The following SMIM19 variants were observed in gnomAD, a reference collection of about 807,000 sequenced individuals.
The protein encoded by SMIM19 is small integral membrane protein 19, also known as UPF0697 protein C8orf40.
Under a neutral mutation model 13.2 loss-of-function variants are expected in SMIM19, and 6 were observed. The ratio of observed to expected loss-of-function variants is 0.45; its 90% CI spans 0.25 to 0.90. The LOEUF (loss-of-function observed/expected upper bound fraction) is 0.90. Ranked by LOEUF, SMIM19 falls within the 40% of genes least tolerant of loss-of-function variation. The pLI is 0.19. For missense variants in SMIM19, 138 were observed against 131.0 expected (o/e 1.05, Z -0.26); for synonymous variants, 46 against 43.1 (o/e 1.07, Z -0.27).
At chr8:42,551,258 C>T (rs993173132) in intron 3 of SMIM19, among the ~76,000 whole-genome samples, 1 of 147,908 alleles carries the variant, frequency 6.8e-6, no homozygotes, top group Non-Finnish European at 1.5e-5. Context: ...GCAGAACTTG[C>T]AGGGAGCTGA....
chr8:42,543,234 C>T (rs2131484701), intron 1 of SMIM19, among the ~76,000 whole-genome samples: 1 of 152,244 alleles, frequency 6.6e-6, no homozygotes, highest in South Asian at 2.1e-4. Context: ...TGTGTGTACA[C>T]TTGGTTACAC....
In SMIM19 at chr8:42,553,083, T is replaced by C. The variant is rs1380934069; in HGVS notation, c.*475T>C. 6.7e-6 allele frequency: 1 copy of C among 150,214 alleles called. No homozygotes were observed. The highest frequency in any genetic ancestry group is 2.0e-4 in the East Asian group (1 of 5,094). The allele number at this position is 150,214 out of a possible 1,614,324, so 9.3% of individuals were successfully genotyped here. A position where few individuals can be genotyped will look rare whatever the true frequency, so the allele number is the denominator to read the frequency against. On this transcript the variant is annotated 3_prime_UTR_variant, in exon 4 of 4. Coordinates refer to ENST00000417410, the MANE Select transcript of SMIM19 (RefSeq NM_001135674.2). ...TTTTTTTTTTTTTTGAGACAGAGTCTGTTGCCCAGACTGGAGTGCAGTGGC... is the reference window on the plus strand; with the variant it reads ...TTTTTTTTTTTTTTGAGACAGAGTCCGTTGCCCAGACTGGAGTGCAGTGGC...
intron 3 of SMIM19, among the ~76,000 whole-genome samples, chr8:42,551,794 AT>A (rs1359913019): frequency 6.6e-6 from 1 of 151,900 alleles, no homozygotes; most frequent in East Asian, 1.9e-4. Context: ...AATAAAAAAA[AT>A]TAGCTGGGTG....
At chr8:42,541,471 G>A (rs917942878), upstream of SMIM19, 3 of 147,250 alleles carry the variant, frequency 2.0e-5, no homozygotes, top group African/African-American at 7.4e-5. Flanking sequence ...GGCGGCACTG[G>A]GGCCGCCGCT....
At chr8:42,546,143 C>G (rs1159967246) in intron 1 of SMIM19, among the ~76,000 whole-genome samples, 3 of 152,200 alleles carry the variant, frequency 2.0e-5, no homozygotes, top group Non-Finnish European at 2.9e-5. Context: ...TTTAAATCAT[C>G]TCTAAGCACT....
rs373493825 is a variant in SMIM19 at position 42,552,092 on chromosome 8, CT to C, written c.260-448del. The stretch of plus-strand genomic sequence containing the variant: ...TAGAGGATCATGAAGTGTAATACAT[CT>C]TTTCCAAAGAAACAAAATTGTTTTA... On this transcript the variant is annotated intron_variant, in intron 3 of 3. Transcript: ENST00000417410. Among the ~76,000 whole-genome samples the C allele has an allele frequency of 8.5e-4, 130 of 152,222 alleles. 1 individual carries two copies. Among genetic ancestry groups the C allele is most frequent in the African/African-American group, 3.0e-3 (124 of 41,544 alleles).
upstream of SMIM19, chr8:42,541,314 G>A (rs955188262): frequency 2.5e-4 from 37 of 148,684 alleles, no homozygotes; most frequent in African/African-American, 9.0e-4. Flanking sequence ...CCGCCGCCGC[G>A]AGCCCCGCCG....
rs1813565801 is a variant in SMIM19 at position 42,548,663 on chromosome 8, A to G, written c.142A>G (p.Arg48Gly). 1 of 1,613,622 alleles carries G rather than the reference A, an allele frequency of 6.2e-7. No homozygotes were observed. Among genetic ancestry groups the G allele is most frequent in the Non-Finnish European group, 8.5e-7 (1 of 1,179,798 alleles). ...CATGGATTTTGTGTTTAGGAACAAAAGGAGAATTATGAGGATATTCAGTGT... is the reference window on the plus strand; with the variant it reads ...CATGGATTTTGTGTTTAGGAACAAAGGGAGAATTATGAGGATATTCAGTGT... ...GLFMYAKRNK[R>G]RIMRIFSVPP... is the part of the protein sequence containing the mutation. Residue 48 changes from arginine (R) to glycine (G), a missense_variant, in exon 3 of 4, where the codon AGG (arginine) becomes GGG (glycine). By Grantham distance (125) the Arg-to-Gly change is moderately radical (BLOSUM62 -2). Coordinates refer to ENST00000417410, the MANE Select transcript of SMIM19 (RefSeq NM_001135674.2).
rs892988866 is a variant in SMIM19 at position 42,553,266 on chromosome 8, G to C, written c.*658G>C. The stretch of plus-strand genomic sequence containing the variant: ...TTTCTACAGCATGATGCATACTCCT[G>C]TGCTAATTTTAGAAGCTTTCTGTAA... On this transcript the variant is annotated 3_prime_UTR_variant, in exon 4 of 4. Transcript: ENST00000417410. The C allele has an allele frequency of 3.3e-5, 5 of 149,516 alleles. No individual in the cohort carries two copies. Among genetic ancestry groups the C allele is most frequent in the African/African-American group, 1.2e-4 (5 of 40,008 alleles). The allele number at this position is 149,516 out of a possible 1,614,324, so 9.3% of individuals were successfully genotyped here. A position where few individuals can be genotyped will look rare whatever the true frequency, so the allele number is the denominator to read the frequency against.
chr8:42,542,722 A>T (rs1813297181), intron 1 of SMIM19, among the ~76,000 whole-genome samples: 1 of 152,028 alleles, frequency 6.6e-6, no homozygotes, highest in South Asian at 2.1e-4. Flanking sequence ...GCACTTTGGG[A>T]GGCTGAGGCG....
At position 42,548,781 on chromosome 8, in the gene SMIM19, G is replaced by C; in HGVS notation, c.259+1G>C. ...CAACAACTGGAAATGTATTCCATTT[G>C]TAAGTATATTCTGTGCTGAAAGATA... On this transcript the variant is annotated splice_donor_variant, in intron 3 of 3. Transcript: ENST00000417410. LOFTEE classifies it high-confidence loss of function. 6.2e-7 allele frequency: 1 copy of C among 1,613,116 alleles called. No homozygotes were observed. Among genetic ancestry groups the C allele is most frequent in the Non-Finnish European group, 8.5e-7 (1 of 1,179,558 alleles).
At chr8:42,542,440 C>T (rs2131481873) in intron 1 of SMIM19, 67 bp downstream of exon 1, 1 of 985,346 alleles carries the variant, frequency 1.0e-6, no homozygotes, top group African/African-American at 1.7e-5. Flanking sequence ...AAAGAAATCC[C>T]ATTTTTTGAT....
Position 42,552,729 on chromosome 8 carries a change from C to A in SMIM19, c.*121C>A. On this transcript the variant is annotated 3_prime_UTR_variant, in exon 4 of 4. Coordinates refer to ENST00000417410, the MANE Select transcript of SMIM19 (RefSeq NM_001135674.2). ...AATTATTTTACTTGTAACTTTTCCC[C>A]AATTGTTCTGTGCATTGTTTTGCCT... The A allele has an allele frequency of 1.6e-6, 2 of 1,227,944 alleles. No homozygotes were observed. Among genetic ancestry groups the A allele is most frequent in the East Asian group, 2.4e-5 (1 of 41,794 alleles). 76.1% of individuals were successfully genotyped at this position (1,227,944 alleles called of 1,614,324 possible).
At chr8:42,545,365 A>G (rs1250418486) in intron 1 of SMIM19, among the ~76,000 whole-genome samples, 2 of 152,176 alleles carry the variant, frequency 1.3e-5, no homozygotes, top group Admixed American at 6.5e-5. Context: ...TTTTCATCCC[A>G]TAGCTTCTTT....
At chr8:42,549,861 C>G (rs1813611570) in intron 3 of SMIM19, among the ~76,000 whole-genome samples, 1 of 152,020 alleles carries the variant, frequency 6.6e-6, no homozygotes, top group East Asian at 1.9e-4. Flanking sequence ...CTTTGGGAGT[C>G]TGAGACAGGT....
At chr8:42,548,396 TGAG>T in intron 2 of SMIM19, 1 of 523,186 alleles carries the variant, frequency 1.9e-6, no homozygotes, top group Non-Finnish European at 3.7e-6. Context: ...TTTGGAGGAT[TGAG>T]GAGAATCACA....
At chr8:42,544,268 G>A (rs542019523) in intron 1 of SMIM19, among the ~76,000 whole-genome samples, 2 of 152,104 alleles carry the variant, frequency 1.3e-5, no homozygotes, top group Non-Finnish European at 2.9e-5. Flanking sequence ...AAAAGTAGCC[G>A]GGCGCGGTGG....
intron 1 of SMIM19, among the ~76,000 whole-genome samples, chr8:42,542,744 T>C (rs1813298394): frequency 6.6e-6 from 1 of 151,628 alleles, no homozygotes; most frequent in African/African-American, 2.4e-5. Context: ...GCGGATTGCC[T>C]GAGCTCAGGA....
rs141420690 is a variant in SMIM19, at chr8:42,551,395, T to C, written c.260-1149T>C. Among the ~76,000 whole-genome samples the C allele has an allele frequency of 7.9e-5, 12 of 152,250 alleles. No homozygotes were observed. In the East Asian group the frequency reaches 2.3e-3, roughly 29 times the overall value. ...ACACAAAGATTTTTAGCCCTGTATT[T>C]TCTCTAGTTTCAAGTTAAGACAGTT... is the stretch of plus-strand genomic sequence containing the variant. On this transcript the variant is annotated intron_variant, in intron 3 of 3. Transcript: ENST00000417410.
Sources: gnomAD v4.1 joint callset for allele counts (sites outside exome capture counted in the v4.1 genomes callset) on GRCh38, gnomAD v4.1.1 for gene constraint, MANE v1.5 for transcripts, NCBI Gene and HGNC (gene_info 2026-07-23, HGNC 2026-07-21) for gene names.